UBE2F: variants seen among roughly 807,000 people sequenced by gnomAD.
The protein encoded by UBE2F is ubiquitin conjugating enzyme E2 F (putative), also known as NEDD8-conjugating enzyme UBE2F.
Under a neutral mutation model 29.6 loss-of-function variants are expected in UBE2F, and 5 were observed. That is an observed-to-expected ratio of 0.17 (90% CI 0.09 to 0.36). UBE2F has a LOEUF of 0.36. UBE2F is among the 10% of genes least tolerant of loss of function. UBE2F has a pLI of 1.00. For synonymous variants in UBE2F, 66 were observed against 81.8 expected, an observed-to-expected ratio of 0.81 and a Z score of 1.04; for missense variants, 141 against 228.5, an observed-to-expected ratio of 0.62 and a Z score of 2.47.
At chr2:237,976,556 T>C (rs930858820) in intron 2 of UBE2F, among the ~76,000 whole-genome samples, 2 of 152,156 alleles carry the variant, frequency 1.3e-5, no homozygotes, top group Non-Finnish European at 2.9e-5. Flanking sequence ...CTGGTACAGG[T>C]AGTTCTCTGC....
intron 2 of UBE2F, among the ~76,000 whole-genome samples, chr2:237,984,109 G>T (rs557826244): frequency 6.8e-6 from 1 of 146,388 alleles, no homozygotes; most frequent in Non-Finnish European, 1.5e-5. Context: ...TTTGTCTCTC[G>T]TGGCTTTCTG....
At chr2:237,974,515 G>GGT (rs2063237504) in intron 2 of UBE2F, among the ~76,000 whole-genome samples, 1 of 23,064 alleles carries the variant, frequency 4.3e-5, no homozygotes, top group Non-Finnish European at 8.9e-5. Flanking sequence ...TTTTTTTTTT[G>GGT]TTTTTTTTTT....
intron 5 of UBE2F, among the ~76,000 whole-genome samples, chr2:238,017,574 C>A (rs1385276607): frequency 6.6e-6 from 1 of 152,128 alleles, no homozygotes; most frequent in Non-Finnish European, 1.5e-5. Flanking sequence ...TCCACACCCC[C>A]AAGTTGGGGT....
At chr2:237,973,678 A>C (rs1394467676) in intron 2 of UBE2F, 1 of 1,302,946 alleles carries the variant, frequency 7.7e-7, no homozygotes, top group Non-Finnish European at 1.0e-6. Flanking sequence ...CTTGTGAAAA[A>C]TTAGTTCTCT....
At chr2:237,994,084 G>A (rs1371164760) in intron 3 of UBE2F, among the ~76,000 whole-genome samples, 1 of 151,244 alleles carries the variant, frequency 6.6e-6, no homozygotes, top group African/African-American at 2.4e-5. Context: ...TAAGTCCTGG[G>A]CGCACTCTTC....
At chr2:238,013,129 G>A (rs1217839169) in intron 4 of UBE2F, among the ~76,000 whole-genome samples, 2 of 152,130 alleles carry the variant, frequency 1.3e-5, no homozygotes, top group East Asian at 3.8e-4. Context: ...AACTAGCTGG[G>A]CGTGGTGGCA....
chr2:238,010,455 G>A (rs1159139932), intron 4 of UBE2F, among the ~76,000 whole-genome samples: 1 of 152,250 alleles, frequency 6.6e-6, no homozygotes, highest in African/African-American at 2.4e-5. Context: ...ACAGGCGTGA[G>A]CCACCGTGCC....
chr2:238,029,153 CAG>C (rs1233553380), intron 6 of UBE2F: 1 of 152,034 alleles, frequency 6.6e-6, no homozygotes, highest in African/African-American at 2.4e-5. Flanking sequence ...GCTTCAGAAA[CAG>C]GGCTTCATCA....
At chr2:238,036,035 A>ACTCTCTTGGTGGAT in intron 9 of UBE2F, 95 bp downstream of exon 9, 3 of 1,137,490 alleles carry the variant, frequency 2.6e-6, no homozygotes, top group Non-Finnish European at 3.9e-6. Context: ...TTTATCCACC[A>ACTCTCTTGGTGGAT]AGAGAGTGGT....
Position 237,987,935 on chromosome 2 carries a change from A to G in UBE2F, c.119-28A>G, listed in dbSNP as rs746361443. ...ATTTTATGTGGAGTAATTGACTAAT[A>G]TTAATAATAATTTCTTTGTTTCTAC... On this transcript the variant is annotated intron_variant, in intron 2 of 9. Coordinates refer to ENST00000272930, the MANE Select transcript of UBE2F (RefSeq NM_080678.3). The G allele has an allele frequency of 5.2e-6, 7 of 1,338,392 alleles. No homozygotes were observed. In the African/African-American group the frequency reaches 7.7e-5, roughly 15 times the overall value. The allele number at this position is 1,338,392 out of a possible 1,614,324, so 82.9% of individuals were successfully genotyped here.
At chr2:238,031,433 G>A (rs1335283872) in intron 7 of UBE2F, among the ~76,000 whole-genome samples, 1 of 152,202 alleles carries the variant, frequency 6.6e-6, no homozygotes, top group Admixed American at 6.5e-5. Flanking sequence ...TCCTCAGGCT[G>A]AGGGCTCACC....
Position 238,016,547 on chromosome 2 carries a change from G to A in UBE2F, c.215-19G>A. 6.3e-7 allele frequency: 1 copy of A among 1,592,968 alleles called. No individual in the cohort carries two copies. The highest frequency in any genetic ancestry group is 1.7e-4 in the Middle Eastern group (1 of 5,938). On this transcript the variant is annotated intron_variant, in intron 4 of 9. Coordinates refer to ENST00000272930, the MANE Select transcript of UBE2F (RefSeq NM_080678.3). Reference sequence around the variant, plus strand: ...TTAATTTAAAGGATTTTTTTGTTTTGTTTTGTGTTTTTTGATAGATGAGGG... The same window carrying A: ...TTAATTTAAAGGATTTTTTTGTTTTATTTTGTGTTTTTTGATAGATGAGGG...
chr2:237,994,864 G>T, intron 4 of UBE2F, 55 bp downstream of exon 4: 1 of 1,403,692 alleles, frequency 7.1e-7, no homozygotes, highest in Non-Finnish European at 1.0e-6. Context: ...TATAAAGGCT[G>T]CCCAAACCTG....
chr2:237,995,059 C>T (rs2063663711), intron 4 of UBE2F, among the ~76,000 whole-genome samples: 1 of 152,148 alleles, frequency 6.6e-6, no homozygotes, highest in Admixed American at 6.5e-5. Context: ...ACAGCTGAGG[C>T]AGTTGGTGTA....
intron 4 of UBE2F, among the ~76,000 whole-genome samples, chr2:238,012,131 G>T (rs547491396): frequency 6.7e-6 from 1 of 150,230 alleles, no homozygotes; most frequent in East Asian, 2.0e-4. Flanking sequence ...CAAGCCACCT[G>T]CCTTGGCCCC....
intron 2 of UBE2F, among the ~76,000 whole-genome samples, chr2:237,976,014 A>C (rs2063275833): frequency 6.6e-6 from 1 of 152,196 alleles, no homozygotes; most frequent in African/African-American, 2.4e-5. Flanking sequence ...TGATTGGTTG[A>C]AAGTGGAGTG....
At chr2:237,978,951 C>G (rs951081673) in intron 2 of UBE2F, among the ~76,000 whole-genome samples, 2 of 152,192 alleles carry the variant, frequency 1.3e-5, no homozygotes, top group Admixed American at 6.5e-5. Flanking sequence ...AAGTTTGGCA[C>G]TGTTTCCATC....
At chr2:238,037,378 A>C (rs821513) in intron 9 of UBE2F, among the ~76,000 whole-genome samples, 2 of 152,222 alleles carry the variant, frequency 1.3e-5, no homozygotes, top group Non-Finnish European at 2.9e-5. Flanking sequence ...GAGGAGGGGA[A>C]GTGCTGTCAG....
intron 2 of UBE2F, among the ~76,000 whole-genome samples, chr2:237,985,358 C>A (rs1474536268): frequency 6.6e-6 from 1 of 151,714 alleles, no homozygotes; most frequent in Non-Finnish European, 1.5e-5. Flanking sequence ...TTGTATCCCC[C>A]CATTCTGCCC....
Sources: allele counts gnomAD v4.1 joint callset (sites outside exome capture counted in the v4.1 genomes callset), GRCh38; gene constraint gnomAD v4.1.1; transcripts MANE v1.5; gene names NCBI Gene and HGNC (gene_info 2026-07-23, HGNC 2026-07-21).